Variants in GUCY1A2 observed in about 807,000 individuals in gnomAD.
GUCY1A2 encodes guanylate cyclase soluble subunit alpha-2.
GUCY1A2 carries 27 observed loss-of-function variants against 63.5 expected under a neutral mutation model. The observed-to-expected ratio is 0.43, with a 90% CI of 0.31 to 0.59. GUCY1A2 has a LOEUF of 0.59. Ranked by LOEUF, GUCY1A2 falls within the 20% of genes least tolerant of loss-of-function variation. GUCY1A2 has a pLI of 0.11. For missense variants in GUCY1A2, 768 were observed against 913.3 expected, an observed-to-expected ratio of 0.84 and a Z score of 2.05; for synonymous variants, 364 against 343.5, an observed-to-expected ratio of 1.06 and a Z score of -0.66.
At chr11:106,826,909 C>A (rs771175045) in intron 4 of GUCY1A2, 31 of 1,607,644 alleles carry the variant, frequency 1.9e-5, no homozygotes, top group Non-Finnish European at 2.5e-5. Flanking sequence ...AAAACTGTTA[C>A]CATGGAGAAA....
At chr11:107,000,134 T>C (rs1046911322) in intron 1 of GUCY1A2, among the ~76,000 whole-genome samples, 1 of 152,190 alleles carries the variant, frequency 6.6e-6, no homozygotes, top group Admixed American at 6.5e-5. Flanking sequence ...AGGTATACTT[T>C]TGGAGAAAAA....
Position 106,940,129 on chromosome 11 carries a change from A to G in GUCY1A2, c.537T>C (p.Asn179=). The G allele has an allele frequency of 6.2e-7, 1 of 1,608,744 alleles. No homozygotes were observed. Among genetic ancestry groups the G allele is most frequent in the Non-Finnish European group, 8.5e-7 (1 of 1,176,842 alleles). ...CTCTCTCATTCTCATGAAAGCATAT[A>G]TTAAAGAACTCTTCACCAAATCTTT... The part of the protein sequence containing the change: ...IQKRFGEEFF[N]ICFHENERVL... Residue 179 remains asparagine, a synonymous_variant, in exon 4 of 8, where the codon AAT becomes AAC. Transcript: ENST00000526355.
chr11:106,786,907 A>G (rs2135409531), intron 5 of GUCY1A2, among the ~76,000 whole-genome samples: 1 of 152,276 alleles, frequency 6.6e-6, no homozygotes, highest in African/African-American at 2.4e-5. Flanking sequence ...TGAGTCTATT[A>G]TTTTTCAAGG....
chr11:106,888,559 T>C (rs1859931228), intron 4 of GUCY1A2, among the ~76,000 whole-genome samples: 1 of 152,214 alleles, frequency 6.6e-6, no homozygotes, highest in African/African-American at 2.4e-5. Flanking sequence ...GCTGGGAAAG[T>C]GACACGATTG....
chr11:106,944,984 A>G (rs1334240316), intron 3 of GUCY1A2, among the ~76,000 whole-genome samples: 2 of 152,190 alleles, frequency 1.3e-5, no homozygotes, highest in Admixed American at 1.3e-4. Flanking sequence ...GAATGAGAAA[A>G]AAGAAACCAA....
Position 106,925,703 on chromosome 11 carries a change from A to T in GUCY1A2, c.1206+13757T>A, listed in dbSNP as rs148301809. Among the ~76,000 whole-genome samples, 10 of 152,358 alleles carry T rather than the reference A, an allele frequency of 6.6e-5. No individual in the cohort carries two copies. In the East Asian group the frequency reaches 1.9e-3, roughly 29 times the overall value. On this transcript the variant is annotated intron_variant, in intron 4 of 7. Coordinates refer to ENST00000526355, the MANE Select transcript of GUCY1A2 (RefSeq NM_000855.3). The stretch of plus-strand genomic sequence containing the variant: ...GCAATCTTGAGACTCCACGCTATCA[A>T]CACTCAAAAGCTTCTTCCCAGTCAT...
At chr11:106,907,473 T>C (rs1018940551) in intron 4 of GUCY1A2, among the ~76,000 whole-genome samples, 14 of 152,224 alleles carry the variant, frequency 9.2e-5, no homozygotes, top group Admixed American at 2.6e-4. Flanking sequence ...GTTACATATG[T>C]ATACATGTGC....
chr11:106,868,298 C>A (rs555202651), intron 4 of GUCY1A2, among the ~76,000 whole-genome samples: 9 of 151,810 alleles, frequency 5.9e-5, no homozygotes, highest in African/African-American at 1.9e-4. Flanking sequence ...TGCAGTTAGG[C>A]AAAGAGGAAG....
chr11:106,919,794 A>G (rs1860417603), intron 4 of GUCY1A2, among the ~76,000 whole-genome samples: 1 of 152,192 alleles, frequency 6.6e-6, no homozygotes, highest in Non-Finnish European at 1.5e-5. Flanking sequence ...CAGTGTGAAG[A>G]GAAGAGAATA....
intron 4 of GUCY1A2, among the ~76,000 whole-genome samples, chr11:106,867,204 A>C (rs1859606256): frequency 6.6e-6 from 1 of 152,118 alleles, no homozygotes; most frequent in East Asian, 1.9e-4. Context: ...ACAAAAATGT[A>C]CAATTTATTT....
intron 4 of GUCY1A2, among the ~76,000 whole-genome samples, chr11:106,830,174 A>C (rs1277575484): frequency 6.6e-6 from 1 of 152,154 alleles, no homozygotes; most frequent in Non-Finnish European, 1.5e-5. Context: ...TATTGATTTC[A>C]TGTCAGCATT....
chr11:106,929,068 A>C (rs1286042880), intron 4 of GUCY1A2, among the ~76,000 whole-genome samples: 1 of 152,204 alleles, frequency 6.6e-6, no homozygotes, highest in Non-Finnish European at 1.5e-5. Flanking sequence ...AGTATAATAG[A>C]AATGTGTAAA....
At chr11:106,748,992 T>C (rs1863838300) in intron 6 of GUCY1A2, among the ~76,000 whole-genome samples, 1 of 152,118 alleles carries the variant, frequency 6.6e-6, no homozygotes, top group Admixed American at 6.6e-5. Flanking sequence ...TTTTGGATAA[T>C]GATGGGCTCA....
intron 6 of GUCY1A2, among the ~76,000 whole-genome samples, chr11:106,713,932 C>A (rs1387136317): frequency 6.6e-6 from 1 of 151,720 alleles, no homozygotes; most frequent in East Asian, 1.9e-4. Flanking sequence ...GTTTGAGATT[C>A]TAATTACTAC....
At chr11:106,848,078 T>C (rs1009770499) in intron 4 of GUCY1A2, among the ~76,000 whole-genome samples, 1 of 151,590 alleles carries the variant, frequency 6.6e-6, no homozygotes, top group East Asian at 1.9e-4. Flanking sequence ...ACGCAGAAAT[T>C]TGAAAATAGG....
At chr11:106,751,124 G>A (rs1253016742) in intron 6 of GUCY1A2, among the ~76,000 whole-genome samples, 3 of 152,014 alleles carry the variant, frequency 2.0e-5, no homozygotes, top group African/African-American at 4.8e-5. Context: ...CCAACTGTTG[G>A]TGCAGTTTGT....
At chr11:107,010,525 C>T (rs1185938025) in intron 1 of GUCY1A2, among the ~76,000 whole-genome samples, 2 of 152,126 alleles carry the variant, frequency 1.3e-5, no homozygotes, top group Admixed American at 1.3e-4. Context: ...AAACGACTTC[C>T]TTCCGAAGTT....
intron 4 of GUCY1A2, among the ~76,000 whole-genome samples, chr11:106,857,179 C>T (rs1859448456): frequency 6.6e-6 from 1 of 152,166 alleles, no homozygotes; most frequent in African/African-American, 2.4e-5. Context: ...ATTTATTTCT[C>T]ATAGTTTTGG....
Position 106,739,072 on chromosome 11 carries a change from C to T in GUCY1A2, c.1837-30406G>A, listed in dbSNP as rs145615941. Among the ~76,000 whole-genome samples, 385 of 152,244 alleles carry T rather than the reference C, an allele frequency of 2.5e-3. 1 individual carries two copies. Among genetic ancestry groups the T allele is most frequent in the African/African-American group, 7.1e-3 (293 of 41,556 alleles). On this transcript the variant is annotated intron_variant, in intron 6 of 7. Coordinates refer to ENST00000526355, the MANE Select transcript of GUCY1A2 (RefSeq NM_000855.3). ...TTGTGTCCTCTCTTATTTCCTTGAACGGTGATTTGTAGTTCTCCCTGAAAA... is the reference window on the plus strand; with the variant it reads ...TTGTGTCCTCTCTTATTTCCTTGAATGGTGATTTGTAGTTCTCCCTGAAAA...
Sources: allele counts gnomAD v4.1 joint callset (sites outside exome capture counted in the v4.1 genomes callset), GRCh38; gene constraint gnomAD v4.1.1; transcripts MANE v1.5; gene names NCBI Gene and HGNC (gene_info 2026-07-23, HGNC 2026-07-21).